FIRRM: variants seen among roughly 807,000 people sequenced by gnomAD.
FIRRM encodes the protein FIGNL1 interacting regulator of recombination and mitosis.
chr1:169,792,827 A>C, the FIRRM span: 78 of 1,613,892 alleles, frequency 4.8e-5, no homozygotes, highest in Non-Finnish European at 6.1e-5. Flanking sequence ...TGAGGTGAGA[A>C]TGAGATCATA....
At chr1:169,801,147 TA>T in the FIRRM span, among the ~76,000 whole-genome samples, 1 of 151,926 alleles carries the variant, frequency 6.6e-6, no homozygotes, top group African/African-American at 2.4e-5. Flanking sequence ...ATTAGGCAGT[TA>T]AAAACTGTTA....
At chr1:169,790,197 TGAGA>T in the FIRRM span, among the ~76,000 whole-genome samples, 1 of 152,022 alleles carries the variant, frequency 6.6e-6, no homozygotes, top group African/African-American at 2.4e-5. Context: ...CTTTTTTTGT[TGAGA>T]GAGTCTTTCC....
At chr1:169,836,907 T>C in the FIRRM span, 1 of 1,593,892 alleles carries the variant, frequency 6.3e-7, no homozygotes. Context: ...TACTCTTCTT[T>C]CTTTAACAAT....
the FIRRM span, among the ~76,000 whole-genome samples, chr1:169,810,834 A>ATTTTTTTTTTTTTTTTT: frequency 9.8e-5 from 6 of 61,208 alleles, no homozygotes; most frequent in African/African-American, 3.5e-4. Context: ...TTAGCCCCCA[A>ATTTTTTTTTTTTTTTTT]TTTTTTTTTT....
chr1:169,822,614 C>T, the FIRRM span, among the ~76,000 whole-genome samples: 1 of 152,100 alleles, frequency 6.6e-6, no homozygotes, highest in African/African-American at 2.4e-5. Context: ...ATTCTCCTGC[C>T]TCAGCCTCCC....
At chr1:169,847,725 G>A in the FIRRM span, 2 of 1,613,404 alleles carry the variant, frequency 1.2e-6, no homozygotes, top group Admixed American at 3.3e-5. Context: ...TTAAATTAGA[G>A]CTTCCTGACT....
At chr1:169,832,475 G>A in the FIRRM span, 7 of 1,613,644 alleles carry the variant, frequency 4.3e-6, no homozygotes, top group Admixed American at 1.7e-5. Context: ...CTGTTGAAGC[G>A]TCTCTTTTTC....
At chr1:169,836,958 A>C in the FIRRM span, 16 of 1,610,254 alleles carry the variant, frequency 9.9e-6, no homozygotes, top group African/African-American at 2.7e-5. Flanking sequence ...TCCCCAAAAG[A>C]AGCAGAAAAT....
the FIRRM span, among the ~76,000 whole-genome samples, chr1:169,798,578 C>T: frequency 6.6e-6 from 1 of 151,688 alleles, no homozygotes; most frequent in Non-Finnish European, 1.5e-5. Context: ...CGAGCGAGAC[C>T]CTCTCTCTAA....
the FIRRM span, among the ~76,000 whole-genome samples, chr1:169,822,135 C>T: frequency 7.9e-5 from 12 of 152,294 alleles, no homozygotes; most frequent in South Asian, 8.3e-4. Flanking sequence ...AACAACTACC[C>T]GTCAAGTGCC....
At chr1:169,789,862 C>T in the FIRRM span, among the ~76,000 whole-genome samples, 6 of 152,040 alleles carry the variant, frequency 3.9e-5, no homozygotes, top group Non-Finnish European at 5.9e-5. Context: ...ATAAATAGTA[C>T]GAATTATTAA....
At chr1:169,834,093 G>A in the FIRRM span, among the ~76,000 whole-genome samples, 1 of 151,966 alleles carries the variant, frequency 6.6e-6, no homozygotes, top group Non-Finnish European at 1.5e-5. Flanking sequence ...ATATAACTCA[G>A]AATGAATTAG....
At chr1:169,789,250 T>C in the FIRRM span, among the ~76,000 whole-genome samples, 1 of 152,248 alleles carries the variant, frequency 6.6e-6, no homozygotes, top group Non-Finnish European at 1.5e-5. Flanking sequence ...GTTTCCTTGC[T>C]ATTCCTCTTT....
At chr1:169,811,684 G>A in the FIRRM span, among the ~76,000 whole-genome samples, 2 of 144,416 alleles carry the variant, frequency 1.4e-5, no homozygotes, top group Non-Finnish European at 3.1e-5. Flanking sequence ...AATCTAAATA[G>A]ATAATAGACA....
the FIRRM span, among the ~76,000 whole-genome samples, chr1:169,827,446 T>C: frequency 1.3e-5 from 2 of 152,296 alleles, no homozygotes; most frequent in Admixed American, 6.5e-5. Context: ...AAGACCAGCC[T>C]GACCAATATG....
chr1:169,811,005 G>A, the FIRRM span, among the ~76,000 whole-genome samples: 3 of 151,324 alleles, frequency 2.0e-5, no homozygotes, highest in African/African-American at 4.9e-5. Flanking sequence ...GACTACAGGC[G>A]CCTGCCACCG....
At chr1:169,840,461 A>T in the FIRRM span, among the ~76,000 whole-genome samples, 3 of 150,630 alleles carry the variant, frequency 2.0e-5, no homozygotes, top group South Asian at 4.2e-4. Context: ...ATGTATTCCT[A>T]GGGGTGTGCG....
the FIRRM span, among the ~76,000 whole-genome samples, chr1:169,814,724 G>C: frequency 6.6e-6 from 1 of 152,280 alleles, no homozygotes; most frequent in South Asian, 2.1e-4. Flanking sequence ...CTTGTAAATA[G>C]ACAGTGTTAA....
At chr1:169,789,738 T>C in the FIRRM span, among the ~76,000 whole-genome samples, 1 of 152,194 alleles carries the variant, frequency 6.6e-6, no homozygotes, top group Non-Finnish European at 1.5e-5. Context: ...GAGCGAGGTT[T>C]AGAACTTAGT....
Sources: gnomAD v4.1 joint callset for allele counts (sites outside exome capture counted in the v4.1 genomes callset) on GRCh38, gnomAD v4.1.1 for gene constraint, MANE v1.5 for transcripts, NCBI Gene and HGNC (gene_info 2026-07-23, HGNC 2026-07-21) for gene names.